MMADHC: variants seen among roughly 807,000 people sequenced by gnomAD.
The protein encoded by MMADHC is cobalamin trafficking protein CblD.
MMADHC carries 23 observed loss-of-function variants against 36.3 expected under a neutral mutation model. The observed-to-expected ratio is 0.63, with a 90% CI of 0.46 to 0.90. The LOEUF is 0.90. Ranked by LOEUF, MMADHC falls within the 40% of genes least tolerant of loss-of-function variation. The probability of loss-of-function intolerance (pLI) is 0.00; values close to 1 mark genes in which losing one functional copy is unlikely to be tolerated. For missense variants in MMADHC, 330 were observed against 348.0 expected, an observed-to-expected ratio of 0.95 and a Z score of 0.41; for synonymous variants, 97 against 116.1, an observed-to-expected ratio of 0.84 and a Z score of 1.06.
intron 2 of MMADHC, among the ~76,000 whole-genome samples, chr2:149,585,605 G>A (rs1464973607): frequency 1.3e-5 from 2 of 152,188 alleles, no homozygotes; most frequent in Non-Finnish European, 2.9e-5. Flanking sequence ...GCATTAGTTA[G>A]CAACAAATCA....
chr2:149,574,949 A>G (rs1389113932), intron 6 of MMADHC, among the ~76,000 whole-genome samples: 1 of 152,096 alleles, frequency 6.6e-6, no homozygotes, highest in African/African-American at 2.4e-5. Flanking sequence ...ACAGGTGCGC[A>G]CCACTAAACC....
rs536290503 is a variant in MMADHC at position 149,575,703 on chromosome 2, A to C, written c.609+8T>G. The C allele has an allele frequency of 6.3e-7, 1 of 1,583,990 alleles. No homozygotes were observed. Among genetic ancestry groups the C allele is most frequent in the East Asian group, 2.2e-5 (1 of 44,476 alleles). On this transcript the variant is annotated splice_region_variant and intron_variant, in intron 6 of 7. Coordinates refer to ENST00000303319, the MANE Select transcript of MMADHC (RefSeq NM_015702.3). ...TAAAATTAAATTATTAGCAATTGAA[A>C]GAATTACCTTTTCTAAGAGCACTTC...
intron 3 of MMADHC, among the ~76,000 whole-genome samples, chr2:149,581,805 A>G (rs995389634): frequency 6.6e-6 from 1 of 152,252 alleles, no homozygotes; most frequent in Non-Finnish European, 1.5e-5. Context: ...TACAAGGTAC[A>G]TTTATGAAAT....
At chr2:149,575,494 A>T (rs1027308312) in intron 6 of MMADHC, among the ~76,000 whole-genome samples, 1 of 152,198 alleles carries the variant, frequency 6.6e-6, no homozygotes, top group Non-Finnish European at 1.5e-5. Flanking sequence ...GACTTTTTAA[A>T]AATAAATTGA....
intron 1 of MMADHC, chr2:149,587,411 G>A: frequency 2.1e-6 from 1 of 479,170 alleles, no homozygotes; most frequent in Non-Finnish European, 3.8e-6. Context: ...GGGAATGGGG[G>A]CTGGGTGGCC....
chr2:149,579,612 G>C lies in MMADHC; in HGVS notation c.191C>G (p.Pro64Arg). The C allele has an allele frequency of 1.2e-6, 2 of 1,613,868 alleles. No homozygotes were observed. Among genetic ancestry groups the C allele is most frequent in the Non-Finnish European group, 1.7e-6 (2 of 1,179,936 alleles). The change falls in exon 4 of 8, where the codon CCC (proline) becomes CGC (arginine). Residue 64 changes from proline (P) to arginine (R), a missense_variant. Pro to Arg is a moderately radical substitution (Grantham distance 103). Coordinates refer to ENST00000303319, the MANE Select transcript of MMADHC (RefSeq NM_015702.3). ...RTVWPDETMGPFGPQDQRFQL... is the reference protein window; with the variant it reads ...RTVWPDETMGRFGPQDQRFQL... ...GAACCTCTGATCTTGAGGTCCAAAG[G>C]GTCCCATAGTTTCATCAGGCCACAC... is the stretch of plus-strand genomic sequence containing the variant.
chr2:149,585,029 T>A, intron 2 of MMADHC, among the ~76,000 whole-genome samples: 1 of 132,258 alleles, frequency 7.6e-6, no homozygotes, highest in South Asian at 2.3e-4. Flanking sequence ...GAAACAAGAG[T>A]GAAACTCCGT....
chr2:149,578,071 G>C (rs1026648537), intron 4 of MMADHC, among the ~76,000 whole-genome samples: 2 of 152,050 alleles, frequency 1.3e-5, no homozygotes, highest in Non-Finnish European at 2.9e-5. Context: ...AGCTTAGAAA[G>C]GTTAAGTAAT....
chr2:149,584,880 A>G (rs538675813), intron 2 of MMADHC, among the ~76,000 whole-genome samples: 1 of 152,138 alleles, frequency 6.6e-6, no homozygotes, highest in South Asian at 2.1e-4. Flanking sequence ...TACTAAAAAT[A>G]CAAAAAAAGC....
At chr2:149,578,782 TA>T (rs970811019) in intron 4 of MMADHC, among the ~76,000 whole-genome samples, 32 of 150,618 alleles carry the variant, frequency 2.1e-4, no homozygotes, top group African/African-American at 6.1e-4. Context: ...ATGGCTTTGA[TA>T]AAAAAAAACT....
intron 3 of MMADHC, among the ~76,000 whole-genome samples, chr2:149,581,701 G>C (rs533676870): frequency 1.3e-3 from 203 of 152,268 alleles, no homozygotes; most frequent in Middle Eastern, 0.01. Context: ...AAATAATTTA[G>C]AATGATTAGC....
Position 149,582,539 on chromosome 2 carries a change from G to C in MMADHC, c.10-268C>G, listed in dbSNP as rs372709985. On this transcript the variant is annotated intron_variant, in intron 2 of 7. Coordinates refer to ENST00000303319, the MANE Select transcript of MMADHC (RefSeq NM_015702.3). ...TAGAATTCAAGAGTGCCACACATGA[G>C]AGAATAGACATCTAAAAGTTGTCTT... Among the ~76,000 whole-genome samples, 535 of 152,262 alleles carry C rather than the reference G, an allele frequency of 3.5e-3. 4 individuals carry two copies. The highest frequency in any genetic ancestry group is 0.012 in the African/African-American group (506 of 41,546).
At chr2:149,579,705 A>G in intron 3 of MMADHC, 57 bp from the exon 4 acceptor site, 1 of 1,361,972 alleles carries the variant, frequency 7.3e-7, no homozygotes, top group South Asian at 1.3e-5. Context: ...ATATTGGTAG[A>G]CTGAAAGAAT....
intron 3 of MMADHC, among the ~76,000 whole-genome samples, chr2:149,579,967 T>G (rs1363576931): frequency 6.6e-6 from 1 of 152,166 alleles, no homozygotes; most frequent in Non-Finnish European, 1.5e-5. Context: ...CAGGATACAA[T>G]GCGTTAAAAG....
chr2:149,587,232 G>A (rs1682885915), intron 1 of MMADHC, 83 bp from the exon 2 acceptor site: 7 of 868,332 alleles, frequency 8.1e-6, no homozygotes, highest in Non-Finnish European at 1.2e-5. Context: ...CTCTTCGAAG[G>A]TGTGTCGTCC....
In MMADHC at chr2:149,584,811, G is replaced by A. The variant is rs185037791; in HGVS notation, c.9+2278C>T. ...TGCCTGTAATCCCAGCACTTAGGGA[G>A]GCGAAGGTGGGTGGATTACCTGAGG... On this transcript the variant is annotated intron_variant, in intron 2 of 7. Transcript: ENST00000303319. 2.7e-3 allele frequency among the ~76,000 whole-genome samples: 406 copies of A among 152,178 alleles called. 1 individual carries two copies. The highest frequency in any genetic ancestry group is 8.8e-3 in the African/African-American group (367 of 41,516).
At chr2:149,585,913 C>T (rs1212959093) in intron 2 of MMADHC, among the ~76,000 whole-genome samples, 2 of 152,128 alleles carry the variant, frequency 1.3e-5, no homozygotes, top group African/African-American at 4.8e-5. Flanking sequence ...ATAATTTATT[C>T]ATTTAAACCA....
At chr2:149,582,426 A>T (rs944090521) in intron 2 of MMADHC, among the ~76,000 whole-genome samples, 155 bp from the exon 3 acceptor site, 8 of 152,180 alleles carry the variant, frequency 5.3e-5, no homozygotes, top group Non-Finnish European at 1.0e-4. Flanking sequence ...CATTATATAT[A>T]TTTGTAATTT....
intron 5 of MMADHC, 82 bp from the exon 6 acceptor site, chr2:149,575,923 CT>C: frequency 9.0e-7 from 1 of 1,112,374 alleles, no homozygotes; most frequent in Non-Finnish European, 1.3e-6. Flanking sequence ...AAAAGTACTT[CT>C]TTAGAAAAAT....
Sources: allele counts gnomAD v4.1 joint callset (sites outside exome capture counted in the v4.1 genomes callset), GRCh38; gene constraint gnomAD v4.1.1; transcripts MANE v1.5; gene names NCBI Gene and HGNC (gene_info 2026-07-23, HGNC 2026-07-21).